Variants in AKT3 observed in about 807,000 individuals in gnomAD.
AKT3 encodes RAC-gamma serine/threonine-protein kinase.
AKT3 carries 15 observed loss-of-function variants against 65.3 expected under a neutral mutation model. The observed-to-expected ratio is 0.23, with a 90% CI of 0.15 to 0.35. The LOEUF (loss-of-function observed/expected upper bound fraction) is 0.35, where lower values mean the gene tolerates loss of function less well. Among genes scored for constraint, AKT3 ranks in the 10% least tolerant of loss-of-function variants. The pLI is 1.00. For missense variants in AKT3, 243 were observed against 576.5 expected (o/e 0.42, Z 5.92); for synonymous variants, 206 against 183.8 (o/e 1.12, Z -0.98).
intron 4 of AKT3, among the ~76,000 whole-genome samples, chr1:243,663,035 A>AAT (rs1480586334): frequency 6.6e-6 from 1 of 152,222 alleles, no homozygotes; most frequent in East Asian, 1.9e-4. Context: ...ATTTTCAAAG[A>AAT]ATATATATTG....
chr1:243,575,006 A>G (rs1270455688), intron 8 of AKT3, among the ~76,000 whole-genome samples: 1 of 152,168 alleles, frequency 6.6e-6, no homozygotes, highest in Non-Finnish European at 1.5e-5. Context: ...CTATAAATAT[A>G]TCAGCTAAAA....
intron 13 of AKT3, among the ~76,000 whole-genome samples, chr1:243,490,188 C>T (rs1266832734): frequency 6.6e-6 from 1 of 152,256 alleles, no homozygotes. Context: ...TTTTCCCACT[C>T]GGTCCAAAAT....
intron 10 of AKT3, among the ~76,000 whole-genome samples, chr1:243,560,963 T>C (rs1358099263): frequency 2.0e-5 from 3 of 152,092 alleles, no homozygotes; most frequent in South Asian, 4.1e-4. Context: ...AAACAAATAA[T>C]TTTTTGTGAC....
chr1:243,496,272 G>A (rs1179573432), downstream of AKT3, among the ~76,000 whole-genome samples: 2 of 152,336 alleles, frequency 1.3e-5, no homozygotes, highest in East Asian at 3.9e-4. Flanking sequence ...AGCGGGTGCG[G>A]GCGGAGCCGG....
At chr1:243,703,205 CATAA>C (rs1280367545) in intron 2 of AKT3, among the ~76,000 whole-genome samples, 1 of 152,052 alleles carries the variant, frequency 6.6e-6, no homozygotes, top group Admixed American at 6.6e-5. Flanking sequence ...TAATGGATTT[CATAA>C]ATAAATATTA....
chr1:243,831,015 A>T (rs2148447991), intron 2 of AKT3, among the ~76,000 whole-genome samples: 1 of 152,272 alleles, frequency 6.6e-6, no homozygotes, highest in East Asian at 1.9e-4. Flanking sequence ...TCTCCTGAAC[A>T]TTAGGCTGCT....
intron 12 of AKT3, among the ~76,000 whole-genome samples, chr1:243,524,557 A>AT (rs1348842292): frequency 6.6e-6 from 1 of 152,262 alleles, no homozygotes; most frequent in Non-Finnish European, 1.5e-5. Flanking sequence ...TGAACTAACC[A>AT]TAACATTCAC....
At chr1:243,639,307 C>G (rs1312501684) in intron 5 of AKT3, among the ~76,000 whole-genome samples, 2 of 152,160 alleles carry the variant, frequency 1.3e-5, no homozygotes, top group African/African-American at 4.8e-5. Flanking sequence ...GACATTTAAA[C>G]AAGAAATGAC....
At chr1:243,511,422 T>G (rs1466257581) in intron 13 of AKT3, among the ~76,000 whole-genome samples, 1 of 152,000 alleles carries the variant, frequency 6.6e-6, no homozygotes, top group East Asian at 1.9e-4. Flanking sequence ...AGCATTAGCC[T>G]CCAATCGCCC....
chr1:243,497,424 A>T (rs1342824679), downstream of AKT3, among the ~76,000 whole-genome samples: 1 of 151,978 alleles, frequency 6.6e-6, no homozygotes, highest in Non-Finnish European at 1.5e-5. Flanking sequence ...AACCGCAGGA[A>T]ATACAAAGCC....
intron 12 of AKT3, among the ~76,000 whole-genome samples, chr1:243,521,284 T>C (rs1010868587): frequency 6.6e-6 from 1 of 152,218 alleles, no homozygotes; most frequent in African/African-American, 2.4e-5. Flanking sequence ...GCCAACACTA[T>C]TGCATGTTTA....
intron 2 of AKT3, among the ~76,000 whole-genome samples, chr1:243,765,214 A>T (rs1689740814): frequency 1.3e-5 from 2 of 152,144 alleles, no homozygotes; most frequent in African/African-American, 4.8e-5. Context: ...TTAAATTTTA[A>T]AAAGAAACAA....
intron 4 of AKT3, among the ~76,000 whole-genome samples, chr1:243,649,376 G>A (rs1291462882): frequency 1.5e-4 from 22 of 150,112 alleles, no homozygotes; most frequent in Non-Finnish European, 3.0e-4. Flanking sequence ...GTGTGTGTGT[G>A]TGTATATATA....
intron 12 of AKT3, among the ~76,000 whole-genome samples, chr1:243,520,628 A>G (rs1384783061): frequency 6.6e-6 from 1 of 152,228 alleles, no homozygotes; most frequent in African/African-American, 2.4e-5. Context: ...AGTGTCATTA[A>G]CTGCAAACAA....
intron 13 of AKT3, among the ~76,000 whole-genome samples, chr1:243,510,452 AAGAG>A (rs910905745): frequency 1.3e-5 from 2 of 152,214 alleles, no homozygotes; most frequent in Non-Finnish European, 2.9e-5. Flanking sequence ...GCAGAGAATG[AAGAG>A]AGAGAGGGAA....
chr1:243,759,031 G>C (rs1689325313), intron 2 of AKT3, among the ~76,000 whole-genome samples: 1 of 152,166 alleles, frequency 6.6e-6, no homozygotes, highest in Non-Finnish European at 1.5e-5. Context: ...CTGAAAAACA[G>C]AATAAAGGGA....
At chr1:243,652,286 G>T (rs187068217) in intron 4 of AKT3, among the ~76,000 whole-genome samples, 1 of 152,126 alleles carries the variant, frequency 6.6e-6, no homozygotes, top group East Asian at 1.9e-4. Context: ...CTGACCTCAG[G>T]TGATCCACCC....
At chr1:243,512,220 T>C (rs1222226011) in intron 13 of AKT3, 104 bp downstream of exon 13, 4 of 614,220 alleles carry the variant, frequency 6.5e-6, no homozygotes, top group African/African-American at 5.7e-5. Flanking sequence ...ACTGTGGAAT[T>C]TGATCTTGAA....
intron 2 of AKT3, among the ~76,000 whole-genome samples, chr1:243,804,884 T>G (rs899155596): frequency 7.2e-5 from 11 of 151,978 alleles, no homozygotes; most frequent in Non-Finnish European, 1.3e-4. Context: ...ATAATATACA[T>G]TAACTGTAGT....
Sources: allele counts gnomAD v4.1 joint callset (sites outside exome capture counted in the v4.1 genomes callset), GRCh38; gene constraint gnomAD v4.1.1; transcripts MANE v1.5; gene names NCBI Gene and HGNC (gene_info 2026-07-23, HGNC 2026-07-21).